The following FRMPD3 variants were observed in gnomAD, a reference collection of about 807,000 sequenced individuals.
The protein encoded by FRMPD3 is FERM and PDZ domain-containing protein 3.
In FRMPD3, 42 loss-of-function variants were observed where a neutral mutation model predicts 97.9. The ratio of observed to expected loss-of-function variants is 0.43; its 90% CI spans 0.34 to 0.55. The LOEUF is 0.55. Ranked by LOEUF, FRMPD3 falls within the 20% of genes least tolerant of loss-of-function variation. The pLI, the probability that FRMPD3 is intolerant of heterozygous loss-of-function variation, is 0.03. For synonymous variants in FRMPD3, 577 were observed against 581.1 expected (o/e 0.99, Z 0.10); for missense variants, 1,303 against 1,457.7 (o/e 0.89, Z 1.73).
chrX:107,456,421 T>G (rs1330632073), intron 1 of FRMPD3, among the ~76,000 whole-genome samples: 1 of 111,862 alleles, frequency 8.9e-6, no homozygotes, highest in African/African-American at 3.3e-5. Context: ...ATTATCCACA[T>G]TAACTAGTTA....
At chrX:107,486,980 C>T (rs1457024579) in intron 1 of FRMPD3, among the ~76,000 whole-genome samples, 2 of 109,421 alleles carry the variant, frequency 1.8e-5, no homozygotes, top group African/African-American at 3.3e-5. Context: ...CATTGTGGCT[C>T]ACACCTGTAA....
At chrX:107,589,613 T>C (rs1423735787) in intron 13 of FRMPD3, among the ~76,000 whole-genome samples, 2 of 111,849 alleles carry the variant, frequency 1.8e-5, no homozygotes, top group African/African-American at 6.5e-5. Context: ...CTTATGGTTC[T>C]TTTCCATGGG....
rs754925641 is a variant in FRMPD3 at position 107,603,059 on chromosome X, G to A, written c.5020G>A (p.Val1674Met). ...GCTGAGCAGCCTCATTGAGACCTTC[G>A]TGCGGCTGGTGTTCATTGTGCGCTC... Reference protein sequence around the residue: ...QVLSSLIETFVRLVFIVRSEA... With the variant: ...QVLSSLIETFMRLVFIVRSEA... Residue 1674 changes from valine (V) to methionine (M), a missense_variant, in exon 15 of 15, where the codon GTG (valine) becomes ATG (methionine). By Grantham distance (21) the Val-to-Met change is conservative (BLOSUM62 1). Around this residue, in one of 3 missense-constraint regions of FRMPD3, gnomAD observed 764 missense variants for 820.2 expected, o/e 0.93. Transcript: ENST00000683843. 1.8e-5 allele frequency: 22 copies of A among 1,210,830 alleles called. No individual in the cohort carries two copies. Among genetic ancestry groups the A allele is most frequent in the East Asian group, 8.9e-5 (3 of 33,835 alleles).
chrX:107,601,734 C>G lies in FRMPD3; in HGVS notation c.3695C>G (p.Thr1232Arg), dbSNP rs757933425. Residue 1232 changes from threonine to arginine, a missense_variant, in exon 15 of 15, where the codon ACA becomes AGA. Transcript: ENST00000683843. ...ATFPTRQKKE[T>R]DERQAQLQKV... ...TTCCCAACCCGCCAGAAGAAGGAGA[C>G]AGATGAGCGGCAGGCCCAACTGCAG... 11 of 1,209,885 alleles carry G rather than the reference C, an allele frequency of 9.1e-6. No individual in the cohort carries two copies. In the Admixed American group the frequency reaches 2.4e-4, roughly 26 times the overall value.
intron 4 of FRMPD3, among the ~76,000 whole-genome samples, chrX:107,543,135 T>C (rs1336680901): frequency 9.0e-6 from 1 of 110,966 alleles, no homozygotes; most frequent in Non-Finnish European, 1.9e-5. Flanking sequence ...GTCTCCATGC[T>C]CTTGCCATTG....
At chrX:107,572,638 T>A (rs1922935275) in intron 12 of FRMPD3, among the ~76,000 whole-genome samples, 1 of 110,427 alleles carries the variant, frequency 9.1e-6, no homozygotes, top group Non-Finnish European at 1.9e-5. Flanking sequence ...CTTGGTAGGC[T>A]GAGACAGGAG....
At chrX:107,484,520 G>A (rs1433299925) in intron 1 of FRMPD3, among the ~76,000 whole-genome samples, 1 of 112,616 alleles carries the variant, frequency 8.9e-6, no homozygotes, top group South Asian at 3.7e-4. Flanking sequence ...AAGAAGGGGC[G>A]GGGAAAGAAA....
At chrX:107,507,219 C>T (rs1922053988) in intron 1 of FRMPD3, among the ~76,000 whole-genome samples, 1 of 110,939 alleles carries the variant, frequency 9.0e-6, no homozygotes, top group Admixed American at 9.5e-5. Context: ...GTCCCTCACC[C>T]CGAGATCCCA....
At chrX:107,450,594 A>T (rs1931268472) in intron 1 of FRMPD3, among the ~76,000 whole-genome samples, 1 of 105,330 alleles carries the variant, frequency 9.5e-6, no homozygotes, top group South Asian at 4.2e-4. Flanking sequence ...ACACACACAC[A>T]CACACACAGA....
intron 1 of FRMPD3, among the ~76,000 whole-genome samples, chrX:107,514,263 A>C (rs895070227): frequency 3.6e-5 from 4 of 111,877 alleles, no homozygotes; most frequent in African/African-American, 1.3e-4. Flanking sequence ...TGGGCCACAC[A>C]AAAGGAGTTT....
At position 107,449,898 on chromosome X, in the gene FRMPD3, T is replaced by TGCCGCC. The variant is rs895928073; in HGVS notation, c.-97_-92dup. ...GGGGGCACGGGTGCCCTAGTCCCGC[T>TGCCGCC]GCCGCCGCCGCCGCCGCCGCCGCTG... On this transcript the variant is annotated 5_prime_UTR_variant, in exon 1 of 15. Coordinates refer to ENST00000683843, the MANE Select transcript of FRMPD3 (RefSeq NM_001388459.1). Among the ~76,000 whole-genome samples the TGCCGCC allele has an allele frequency of 5.8e-4, 62 of 107,695 alleles. No homozygotes were observed. Among genetic ancestry groups the TGCCGCC allele is most frequent in the Admixed American group, 1.1e-3 (11 of 10,407 alleles). The allele number at this position is 107,695 out of a possible 115,157, so 93.5% of individuals were successfully genotyped here. A position where few individuals can be genotyped will look rare whatever the true frequency, so the allele number is the denominator to read the frequency against.
In FRMPD3 at chrX:107,459,667, G is replaced by T. The variant is rs528450861; in HGVS notation, c.-8+9662G>T. ...TCTCCTTTTACTTGTTCTTCTTGTG[G>T]GAGCATATGATGCCTTGTAAAGATG... On this transcript the variant is annotated intron_variant, in intron 1 of 14. Coordinates refer to ENST00000683843, the MANE Select transcript of FRMPD3 (RefSeq NM_001388459.1). 2.7e-5 allele frequency among the ~76,000 whole-genome samples: 3 copies of T among 112,433 alleles called. No individual in the cohort carries two copies. The South Asian group carries it at 1.1e-3, about 42-fold the overall frequency.
At chrX:107,516,775 A>C (rs772123728) in intron 1 of FRMPD3, among the ~76,000 whole-genome samples, 1 of 109,241 alleles carries the variant, frequency 9.2e-6, no homozygotes, top group African/African-American at 3.3e-5. Context: ...TCTGGATATT[A>C]GCCCTTTGTC....
At chrX:107,552,715 TC>T in intron 6 of FRMPD3, 79 bp from the exon 7 acceptor site, 4 of 1,065,983 alleles carry the variant, frequency 3.8e-6, no homozygotes, top group Non-Finnish European at 3.8e-6. Flanking sequence ...TGGTGTTTAA[TC>T]CCCCCTCCCA....
At chrX:107,520,457 T>C (rs1164150817) in intron 1 of FRMPD3, among the ~76,000 whole-genome samples, 1 of 105,870 alleles carries the variant, frequency 9.4e-6, no homozygotes, top group Non-Finnish European at 1.9e-5. Flanking sequence ...CTAGCCAATA[T>C]GGCAAAACCC....
chrX:107,459,890 C>T (rs1368082878), intron 1 of FRMPD3, among the ~76,000 whole-genome samples: 4 of 57,192 alleles, frequency 7.0e-5, no homozygotes, highest in African/African-American at 1.7e-4. Flanking sequence ...TACATACACA[C>T]ACACACACAC....
At position 107,601,715 on chromosome X, in the gene FRMPD3, A is replaced by G. The variant is rs867743775; in HGVS notation, c.3676A>G (p.Thr1226Ala). The G allele has an allele frequency of 8.3e-7, 1 of 1,210,747 alleles. No individual in the cohort carries two copies. The highest frequency in any genetic ancestry group is 1.7e-5 in the African/African-American group (1 of 57,801). ...CAATTTATTCTCTGCCACCTTCCCAACCCGCCAGAAGAAGGAGACAGATGA... is the reference window on the plus strand; with the variant it reads ...CAATTTATTCTCTGCCACCTTCCCAGCCCGCCAGAAGAAGGAGACAGATGA... ...LRNLFSATFP[T>A]RQKKETDERQ... Residue 1226 changes from threonine to alanine, a missense_variant, in exon 15 of 15, where the codon ACC becomes GCC. Transcript: ENST00000683843.
chrX:107,603,546 G>T lies in FRMPD3; in HGVS notation c.*173G>T. 1.0e-5 allele frequency: 10 copies of T among 984,219 alleles called. No homozygotes were observed. Among genetic ancestry groups the T allele is most frequent in the Non-Finnish European group, 1.3e-5 (10 of 755,665 alleles). The allele number at this position is 984,219 out of a possible 1,213,427, so 81.1% of individuals were successfully genotyped here. A position where few individuals can be genotyped will look rare whatever the true frequency, so the allele number is the denominator to read the frequency against. ...TGATTGAGGCTCTCTCTTAAGGGCT[G>T]CAGGCTTAGCTGCCGCCCTGGGTGT... On this transcript the variant is annotated 3_prime_UTR_variant, in exon 15 of 15. Transcript: ENST00000683843.
intron 4 of FRMPD3, among the ~76,000 whole-genome samples, chrX:107,541,496 A>T (rs1329957598): frequency 8.9e-6 from 1 of 112,515 alleles, no homozygotes; most frequent in Non-Finnish European, 1.9e-5. Context: ...GCTGAAAATA[A>T]CTCTGAAACA....
Sources: gnomAD v4.1 joint callset for allele counts (sites outside exome capture counted in the v4.1 genomes callset) on GRCh38, gnomAD v4.1.1 for gene constraint, gnomAD v4.1.1 regional missense constraint, MANE v1.5 for transcripts, NCBI Gene and HGNC (gene_info 2026-07-23, HGNC 2026-07-21) for gene names.